The following KCNH5 variants were observed in gnomAD, a reference collection of about 807,000 sequenced individuals.
KCNH5 encodes the protein potassium voltage-gated channel subfamily H member 5.
KCNH5 carries 46 observed loss-of-function variants against 96.1 expected under a neutral mutation model. The ratio of observed to expected loss-of-function variants is 0.48; its 90% CI spans 0.38 to 0.61. KCNH5 has a LOEUF of 0.61. Among genes scored for constraint, KCNH5 ranks in the 20% least tolerant of loss-of-function variants. The pLI, the probability that KCNH5 is intolerant of heterozygous loss-of-function variation, is 0.00. For synonymous variants in KCNH5, 439 were observed against 449.8 expected, an observed-to-expected ratio of 0.98 and a Z score of 0.30; for missense variants, 907 against 1,225.8, an observed-to-expected ratio of 0.74 and a Z score of 3.88.
chr14:62,883,208 C>T (rs551120948), intron 7 of KCNH5, among the ~76,000 whole-genome samples: 3 of 152,230 alleles, frequency 2.0e-5, no homozygotes, highest in African/African-American at 7.2e-5. Context: ...CTATTTGATC[C>T]AATCGGGACA....
chr14:62,870,480 G>A (rs1888231662), intron 7 of KCNH5, among the ~76,000 whole-genome samples: 1 of 152,086 alleles, frequency 6.6e-6, no homozygotes, highest in Admixed American at 6.6e-5. Context: ...TGGCACAGAA[G>A]GAAAGTCAAG....
chr14:62,707,506 T>C lies in KCNH5; in HGVS notation c.*2A>G. The C allele has an allele frequency of 7.2e-7, 1 of 1,391,208 alleles. No individual in the cohort carries two copies. Among genetic ancestry groups the C allele is most frequent in the Non-Finnish European group, 9.6e-7 (1 of 1,046,836 alleles). 86.2% of individuals were successfully genotyped at this position (1,391,208 alleles called of 1,614,324 possible). A position where few individuals can be genotyped will look rare whatever the true frequency, so the allele number is the denominator to read the frequency against. On this transcript the variant is annotated 3_prime_UTR_variant, in exon 11 of 11. Transcript: ENST00000322893. ...ATATTAACAAATATATATGTATATA[T>C]ATTAAAAGTGGATTTCATCTTTGTC... is the stretch of plus-strand genomic sequence containing the variant.
rs1348176290 is a variant in KCNH5 at position 62,872,053 on chromosome 14, G to A, written c.1370-22201C>T. Among the ~76,000 whole-genome samples the A allele has an allele frequency of 2.0e-5, 3 of 152,016 alleles. No homozygotes were observed. The East Asian group carries it at 5.8e-4, about 29-fold the overall frequency. ...CCCTTCAATGGGAATTTTCTAATCA[G>A]CAGTTAAGCATATACAAGCTTCTTC... is the stretch of plus-strand genomic sequence containing the variant. On this transcript the variant is annotated intron_variant, in intron 7 of 10. Coordinates refer to ENST00000322893, the MANE Select transcript of KCNH5 (RefSeq NM_139318.5).
intron 10 of KCNH5, among the ~76,000 whole-genome samples, chr14:62,746,932 A>C (rs1464428501): frequency 6.6e-6 from 1 of 152,258 alleles, no homozygotes; most frequent in South Asian, 2.1e-4. Context: ...AGAAAAATTA[A>C]ACTTCAAACA....
chr14:62,961,799 C>CAGATGG (rs1222836139), intron 6 of KCNH5, among the ~76,000 whole-genome samples: 9 of 150,068 alleles, frequency 6.0e-5, no homozygotes, highest in African/African-American at 1.2e-4. Flanking sequence ...GATGCAGATG[C>CAGATGG]AGATGGAGAT....
chr14:62,877,105 A>G (rs777320275), intron 7 of KCNH5, among the ~76,000 whole-genome samples: 7 of 152,174 alleles, frequency 4.6e-5, no homozygotes, highest in Non-Finnish European at 7.3e-5. Flanking sequence ...TGGATTCCCT[A>G]TTTAATAAAT....
intron 1 of KCNH5, among the ~76,000 whole-genome samples, chr14:63,032,935 C>T (rs1248007826): frequency 6.6e-6 from 1 of 152,208 alleles, no homozygotes; most frequent in Non-Finnish European, 1.5e-5. Flanking sequence ...CTACCTCCAT[C>T]TGCACGCAAA....
chr14:62,868,155 T>C (rs923901281), intron 7 of KCNH5, among the ~76,000 whole-genome samples: 9 of 152,232 alleles, frequency 5.9e-5, no homozygotes, highest in African/African-American at 2.2e-4. Context: ...TGGAAGGCAC[T>C]TTATCTGATG....
Position 62,707,805 on chromosome 14 carries a change from G to A in KCNH5, c.2670C>T (p.Ile890=). The A allele has an allele frequency of 1.2e-6, 2 of 1,614,148 alleles. No individual in the cohort carries two copies. Among genetic ancestry groups the A allele is most frequent in the East Asian group, 2.2e-5 (1 of 44,860 alleles). ...EARSPLEHSP[I]QADAKHPFYP... ...AAAAGGGGTGCTTGGCATCAGCCTGGATGGGACTGTGCTCTAGCGGACTTC... is the reference window on the plus strand; with the variant it reads ...AAAAGGGGTGCTTGGCATCAGCCTGAATGGGACTGTGCTCTAGCGGACTTC... Residue 890 remains isoleucine, a synonymous_variant, in exon 11 of 11, where the codon ATC becomes ATT. Transcript: ENST00000322893.
chr14:62,791,667 C>G (rs549510780), intron 9 of KCNH5, among the ~76,000 whole-genome samples: 3 of 151,680 alleles, frequency 2.0e-5, no homozygotes, highest in Admixed American at 2.0e-4. Context: ...AAAACTGTCA[C>G]AAGAGACAAA....
At chr14:62,998,768 A>G (rs1956678) in intron 4 of KCNH5, among the ~76,000 whole-genome samples, 151,177 of 152,306 alleles carry the variant, frequency 0.99, 75,038 homozygotes, top group Middle Eastern at 1. Flanking sequence ...ATATCTTTCT[A>G]TTACTCATTT....
intron 8 of KCNH5, among the ~76,000 whole-genome samples, chr14:62,803,755 A>G (rs1024737501): frequency 6.6e-6 from 1 of 152,174 alleles, no homozygotes; most frequent in Non-Finnish European, 1.5e-5. Context: ...GTGGAGCAAG[A>G]TGTGATTGCG....
intron 10 of KCNH5, among the ~76,000 whole-genome samples, chr14:62,757,303 G>T (rs1272999097): frequency 1.3e-5 from 2 of 152,196 alleles, no homozygotes; most frequent in Non-Finnish European, 2.9e-5. Flanking sequence ...AAACACTGGT[G>T]AGGGTGTGGA....
intron 7 of KCNH5, among the ~76,000 whole-genome samples, chr14:62,913,309 C>T (rs1271574246): frequency 6.6e-6 from 1 of 151,996 alleles, no homozygotes; most frequent in East Asian, 1.9e-4. Flanking sequence ...CTCACTGCAA[C>T]GTCCGCCTCC....
In KCNH5 at chr14:62,980,978, G is replaced by A; in HGVS notation, c.836C>T (p.Ser279Phe). The A allele has an allele frequency of 6.2e-7, 1 of 1,614,088 alleles. No homozygotes were observed. ...GTTCATCCTTATGAGCTTAGGGTCA[G>A]AAATGACCTCTCCACCGGGCCCCAC... ...TFVGPGGEVI[S>F]DPKLIRMNYL... Residue 279 changes from serine (S) to phenylalanine (F), a missense_variant, in exon 6 of 11, where the codon TCT (serine) becomes TTT (phenylalanine). Physicochemically the swap from Ser to Phe is radical, Grantham distance 155. This residue lies in a region of KCNH5 where 370 missense variants were observed against 561.3 expected (regional missense o/e 0.66). Transcript: ENST00000322893.
At chr14:62,742,315 T>G (rs1308196603) in intron 10 of KCNH5, among the ~76,000 whole-genome samples, 2 of 152,230 alleles carry the variant, frequency 1.3e-5, no homozygotes, top group Middle Eastern at 6.8e-3. Flanking sequence ...AAATAAGGCA[T>G]GAATAAAAAT....
intron 8 of KCNH5, among the ~76,000 whole-genome samples, chr14:62,823,851 T>TA (rs1342437764): frequency 1.3e-5 from 2 of 152,156 alleles, no homozygotes; most frequent in East Asian, 3.9e-4. Context: ...CGTTTTCCCC[T>TA]TTCTTCAATC....
At chr14:62,900,254 C>T (rs1197136683) in intron 7 of KCNH5, among the ~76,000 whole-genome samples, 1 of 152,158 alleles carries the variant, frequency 6.6e-6, no homozygotes, top group Admixed American at 6.5e-5. Context: ...ATAGGAAATG[C>T]TCTTGATTAT....
At chr14:62,881,092 A>G (rs1433075076) in intron 7 of KCNH5, among the ~76,000 whole-genome samples, 1 of 152,202 alleles carries the variant, frequency 6.6e-6, no homozygotes, top group Admixed American at 6.5e-5. Flanking sequence ...TTAAGCCTTC[A>G]ATAAAATGCT....
Sources: gnomAD v4.1 joint callset for allele counts (sites outside exome capture counted in the v4.1 genomes callset) on GRCh38, gnomAD v4.1.1 for gene constraint, gnomAD v4.1.1 regional missense constraint, MANE v1.5 for transcripts, NCBI Gene and HGNC (gene_info 2026-07-23, HGNC 2026-07-21) for gene names.